Variants in GRB14 observed in about 807,000 individuals in gnomAD.
The protein encoded by GRB14 is growth factor receptor-bound protein 14.
A neutral mutation model predicts 69.1 loss-of-function variants in GRB14; 38 were observed. The ratio of observed to expected loss-of-function variants is 0.55; its 90% CI spans 0.42 to 0.72. The LOEUF (loss-of-function observed/expected upper bound fraction) is 0.72, where lower values mean the gene tolerates loss of function less well. Among genes scored for constraint, GRB14 ranks in the 30% least tolerant of loss-of-function variants. The probability of loss-of-function intolerance (pLI) is 0.00; values close to 1 mark genes in which losing one functional copy is unlikely to be tolerated. For missense variants in GRB14, 666 were observed against 666.1 expected (o/e 1.00, Z 0.00); for synonymous variants, 247 against 241.3 (o/e 1.02, Z -0.22).
At chr2:164,542,195 T>G (rs1039370725) in intron 3 of GRB14, among the ~76,000 whole-genome samples, 5 of 152,150 alleles carry the variant, frequency 3.3e-5, no homozygotes, top group Admixed American at 3.3e-4. Flanking sequence ...CCCTATTCAA[T>G]AAATGGTATT....
intron 1 of GRB14, 88 bp from the exon 2 acceptor site, chr2:164,619,907 A>G: frequency 5.8e-6 from 6 of 1,039,620 alleles, no homozygotes; most frequent in Non-Finnish European, 8.9e-6. Flanking sequence ...GCTAAGGCGA[A>G]CATGTACCAC....
intron 3 of GRB14, among the ~76,000 whole-genome samples, chr2:164,539,607 G>C (rs1274144708): frequency 6.6e-6 from 1 of 152,158 alleles, no homozygotes; most frequent in Non-Finnish European, 1.5e-5. Context: ...AGTAGCTTGT[G>C]ATATGGTTTA....
intron 2 of GRB14, among the ~76,000 whole-genome samples, chr2:164,578,310 C>A (rs1046252303): frequency 5.3e-5 from 8 of 151,798 alleles, no homozygotes; most frequent in Non-Finnish European, 1.2e-4. Context: ...AAAGGAATTA[C>A]AAAAACAATT....
At chr2:164,590,170 G>T (rs1689629318) in intron 2 of GRB14, among the ~76,000 whole-genome samples, 1 of 152,020 alleles carries the variant, frequency 6.6e-6, no homozygotes, top group African/African-American at 2.4e-5. Context: ...TTTTCCTAAG[G>T]AATAAATGTG....
intron 2 of GRB14, among the ~76,000 whole-genome samples, chr2:164,614,440 A>T (rs182188538): frequency 1.3e-5 from 2 of 152,354 alleles, no homozygotes; most frequent in Admixed American, 1.3e-4. Context: ...TTCATGAGCC[A>T]TTCCAACTGA....
intron 2 of GRB14, among the ~76,000 whole-genome samples, chr2:164,571,960 G>A (rs73028048): frequency 0.027 from 4,078 of 152,240 alleles, 168 homozygotes; most frequent in African/African-American, 0.093. Context: ...ACGTACCCAA[G>A]CATTTGTTTG....
intron 2 of GRB14, among the ~76,000 whole-genome samples, chr2:164,613,565 G>A (rs1309207433): frequency 6.6e-6 from 1 of 152,220 alleles, no homozygotes; most frequent in Admixed American, 6.5e-5. Context: ...ATCAGGGCAA[G>A]CAACACTGCA....
chr2:164,519,619 C>T (rs1687584352), intron 6 of GRB14, among the ~76,000 whole-genome samples: 1 of 152,010 alleles, frequency 6.6e-6, no homozygotes, highest in Admixed American at 6.6e-5. Context: ...CCTAAAGATT[C>T]CCCCAAAAAC....
At chr2:164,592,644 G>A (rs1291322014) in intron 2 of GRB14, among the ~76,000 whole-genome samples, 1 of 152,124 alleles carries the variant, frequency 6.6e-6, no homozygotes, top group Non-Finnish European at 1.5e-5. Flanking sequence ...TCATGTGCAT[G>A]GAAACCTACT....
chr2:164,549,276 T>C (rs1164245396), intron 2 of GRB14, among the ~76,000 whole-genome samples: 1 of 152,202 alleles, frequency 6.6e-6, no homozygotes, highest in Non-Finnish European at 1.5e-5. Flanking sequence ...TTACATGTGG[T>C]TTGCAAATAC....
intron 4 of GRB14, 98 bp from the exon 5 acceptor site, chr2:164,525,176 G>A (rs1687738175): frequency 6.1e-6 from 5 of 823,332 alleles, no homozygotes; most frequent in Non-Finnish European, 1.0e-5. Flanking sequence ...CTTTAAACTG[G>A]TGTGACTAAA....
chr2:164,527,795 G>C (rs1687820468), intron 3 of GRB14, among the ~76,000 whole-genome samples: 3 of 151,944 alleles, frequency 2.0e-5, no homozygotes. Flanking sequence ...AAGGCACTTG[G>C]CAGAAAAGGC....
chr2:164,560,431 T>C (rs540804167), intron 2 of GRB14, among the ~76,000 whole-genome samples: 3 of 152,158 alleles, frequency 2.0e-5, no homozygotes, highest in African/African-American at 4.8e-5. Context: ...AGAGAAAATA[T>C]CATGTTTCGA....
intron 2 of GRB14, among the ~76,000 whole-genome samples, chr2:164,560,697 CT>C (rs1455327702): frequency 1.3e-5 from 2 of 151,994 alleles, no homozygotes; most frequent in African/African-American, 4.8e-5. Context: ...CAAATTTTTT[CT>C]TCAAATATTG....
intron 2 of GRB14, among the ~76,000 whole-genome samples, chr2:164,609,916 T>G (rs985195374): frequency 3.3e-5 from 5 of 152,194 alleles, no homozygotes; most frequent in Admixed American, 3.3e-4. Context: ...TGATTCACCC[T>G]TAACAGAAAG....
chr2:164,496,597 T>G (rs1180680477), intron 12 of GRB14, among the ~76,000 whole-genome samples: 1 of 151,232 alleles, frequency 6.6e-6, no homozygotes, highest in Non-Finnish European at 1.5e-5. Flanking sequence ...ACATGTTGCA[T>G]CATACCTAAA....
intron 2 of GRB14, among the ~76,000 whole-genome samples, chr2:164,614,942 A>G (rs1312560871): frequency 6.6e-6 from 1 of 152,178 alleles, no homozygotes; most frequent in Non-Finnish European, 1.5e-5. Flanking sequence ...AAAAAGAAAT[A>G]AAAGGCCGAG....
chr2:164,579,452 G>T (rs1689337349), intron 2 of GRB14, among the ~76,000 whole-genome samples: 1 of 151,838 alleles, frequency 6.6e-6, no homozygotes. Context: ...CAGGGCTCAA[G>T]GTGGGAACCT....
chr2:164,609,361 G>C (rs897310587), intron 2 of GRB14, among the ~76,000 whole-genome samples: 1 of 152,118 alleles, frequency 6.6e-6, no homozygotes, highest in Admixed American at 6.5e-5. Context: ...GGATCAACTG[G>C]ACCTTTGCTG....
Sources: gnomAD v4.1 joint callset for allele counts (sites outside exome capture counted in the v4.1 genomes callset) on GRCh38, gnomAD v4.1.1 for gene constraint, MANE v1.5 for transcripts, NCBI Gene and HGNC (gene_info 2026-07-23, HGNC 2026-07-21) for gene names.